The following SORCS1 variants were observed in gnomAD, a reference collection of about 807,000 sequenced individuals.
SORCS1 encodes sortilin related VPS10 domain containing receptor 1.
Under a neutral mutation model 146.1 loss-of-function variants are expected in SORCS1, and 60 were observed. The ratio of observed to expected loss-of-function variants is 0.41; its 90% CI spans 0.33 to 0.51. SORCS1 has a LOEUF of 0.51. Among genes scored for constraint, SORCS1 ranks in the 20% least tolerant of loss-of-function variants. The pLI is 0.21. For missense variants in SORCS1, 1,352 were observed against 1,487.6 expected, an observed-to-expected ratio of 0.91 and a Z score of 1.50; for synonymous variants, 637 against 584.0, an observed-to-expected ratio of 1.09 and a Z score of -1.31.
chr10:106,996,942 C>T (rs1403289006), intron 1 of SORCS1, among the ~76,000 whole-genome samples: 2 of 151,984 alleles, frequency 1.3e-5, no homozygotes, highest in Non-Finnish European at 2.9e-5. Flanking sequence ...ACATATGGGA[C>T]TCAATTTCCA....
At chr10:107,003,405 T>C (rs536323263) in intron 1 of SORCS1, among the ~76,000 whole-genome samples, 4 of 151,006 alleles carry the variant, frequency 2.6e-5, no homozygotes, top group African/African-American at 4.9e-5. Context: ...GTTGTGTGTA[T>C]AGAGAGAATA....
intron 17 of SORCS1, among the ~76,000 whole-genome samples, chr10:106,654,760 AG>A (rs1171294154): frequency 1.3e-5 from 2 of 152,158 alleles, no homozygotes; most frequent in East Asian, 3.8e-4. Flanking sequence ...CTAGCCTATG[AG>A]GGGGTCACCA....
chr10:106,774,123 G>A (rs1416418684), intron 4 of SORCS1, among the ~76,000 whole-genome samples: 1 of 152,108 alleles, frequency 6.6e-6, no homozygotes, highest in Admixed American at 6.6e-5. Flanking sequence ...AATGAAGACT[G>A]CTTCCAACTT....
At chr10:106,581,777 C>A (rs181596925) in intron 24 of SORCS1, among the ~76,000 whole-genome samples, 1 of 151,958 alleles carries the variant, frequency 6.6e-6, no homozygotes, top group Non-Finnish European at 1.5e-5. Context: ...AAGATAAGAT[C>A]TCTCTCTCTC....
At chr10:107,116,245 C>T (rs1410733650) in intron 1 of SORCS1, among the ~76,000 whole-genome samples, 1 of 152,048 alleles carries the variant, frequency 6.6e-6, no homozygotes, top group East Asian at 1.9e-4. Flanking sequence ...TTATATGATC[C>T]AGCAATCTCG....
At chr10:106,700,286 G>GCTA (rs1164678172) in intron 8 of SORCS1, among the ~76,000 whole-genome samples, 1 of 152,134 alleles carries the variant, frequency 6.6e-6, no homozygotes, top group African/African-American at 2.4e-5. Context: ...TACAATGGAA[G>GCTA]CTACCACAGT....
chr10:106,659,238 G>A (rs1488169464), intron 17 of SORCS1, among the ~76,000 whole-genome samples: 1 of 152,220 alleles, frequency 6.6e-6, no homozygotes, highest in African/African-American at 2.4e-5. Flanking sequence ...ATAGGCATAA[G>A]ACAGAAGACC....
chr10:106,792,661 G>A (rs1001048047), intron 3 of SORCS1, among the ~76,000 whole-genome samples: 2 of 152,096 alleles, frequency 1.3e-5, no homozygotes. Context: ...CGTAAGCACG[G>A]GCTTATAGAG....
intron 2 of SORCS1, among the ~76,000 whole-genome samples, chr10:106,887,892 T>A (rs1054212778): frequency 1.3e-5 from 2 of 152,214 alleles, no homozygotes; most frequent in Non-Finnish European, 2.9e-5. Context: ...ACAGATACAC[T>A]CTAACTGAAG....
intron 1 of SORCS1, among the ~76,000 whole-genome samples, chr10:107,042,362 CAA>C (rs1959174076): frequency 6.6e-6 from 1 of 152,190 alleles, no homozygotes. Flanking sequence ...ACAGAATTCT[CAA>C]AGAGACTCAC....
intron 1 of SORCS1, among the ~76,000 whole-genome samples, chr10:106,987,298 A>G (rs1054467547): frequency 5.9e-5 from 9 of 152,238 alleles, no homozygotes; most frequent in African/African-American, 1.9e-4. Context: ...CTAAGATGGC[A>G]GAATTCAAAC....
At chr10:107,092,003 G>T (rs1186940936) in intron 1 of SORCS1, among the ~76,000 whole-genome samples, 1 of 152,084 alleles carries the variant, frequency 6.6e-6, no homozygotes, top group African/African-American at 2.4e-5. Flanking sequence ...GACCAAAACA[G>T]GCCAGTAAAT....
chr10:107,147,087 C>A (rs1968394506), intron 1 of SORCS1, among the ~76,000 whole-genome samples: 1 of 152,114 alleles, frequency 6.6e-6, no homozygotes, highest in Non-Finnish European at 1.5e-5. Flanking sequence ...TAATTGATAA[C>A]CCCAGCAACT....
chr10:107,031,081 A>G (rs191997306), intron 1 of SORCS1, among the ~76,000 whole-genome samples: 6 of 152,304 alleles, frequency 3.9e-5, no homozygotes, highest in African/African-American at 1.4e-4. Context: ...AGCTCAGCCT[A>G]TGTGGAGGGT....
At chr10:107,006,326 GAAAC>G (rs1201438424) in intron 1 of SORCS1, among the ~76,000 whole-genome samples, 2 of 140,206 alleles carry the variant, frequency 1.4e-5, no homozygotes, top group African/African-American at 3.4e-5. Flanking sequence ...TTCAATGAAA[GAAAC>G]AAGGAAGACA....
chr10:106,970,879 C>T (rs1378451829), intron 1 of SORCS1, among the ~76,000 whole-genome samples: 1 of 150,524 alleles, frequency 6.6e-6, no homozygotes, highest in Non-Finnish European at 1.5e-5. Context: ...GCTGGGATTA[C>T]AGGCACCCGC....
At chr10:106,911,909 A>C (rs549516298) in intron 2 of SORCS1, among the ~76,000 whole-genome samples, 1 of 152,144 alleles carries the variant, frequency 6.6e-6, no homozygotes, top group African/African-American at 2.4e-5. Flanking sequence ...TCAGGAGATC[A>C]AGACCATCCT....
chr10:106,905,607 T>A (rs1441562830), intron 2 of SORCS1, among the ~76,000 whole-genome samples: 5 of 152,206 alleles, frequency 3.3e-5, no homozygotes, highest in Non-Finnish European at 7.3e-5. Flanking sequence ...ATTTTCTAAT[T>A]AAAATAGTTA....
At chr10:106,941,603 G>A (rs1044007660) in intron 2 of SORCS1, among the ~76,000 whole-genome samples, 3 of 152,230 alleles carry the variant, frequency 2.0e-5, no homozygotes, top group Admixed American at 6.5e-5. Context: ...ATTTTAGTAA[G>A]TGAAATGAAC....
Sources: gnomAD v4.1 joint callset for allele counts (sites outside exome capture counted in the v4.1 genomes callset) on GRCh38, gnomAD v4.1.1 for gene constraint, MANE v1.5 for transcripts, NCBI Gene and HGNC (gene_info 2026-07-23, HGNC 2026-07-21) for gene names.